The following GRID2 variants were observed in gnomAD, a reference collection of about 807,000 sequenced individuals.
GRID2 encodes the protein glutamate ionotropic receptor delta type subunit 2.
Under a neutral mutation model 114.8 loss-of-function variants are expected in GRID2, and 33 were observed. The ratio of observed to expected loss-of-function variants is 0.29; its 90% CI spans 0.22 to 0.38. GRID2 has a LOEUF of 0.38. Among genes scored for constraint, GRID2 ranks in the 10% least tolerant of loss-of-function variants. The probability of loss-of-function intolerance (pLI) is 1.00; values close to 1 mark genes in which losing one functional copy is unlikely to be tolerated. For missense variants in GRID2, 1,184 were observed against 1,257.7 expected (o/e 0.94, Z 0.89); for synonymous variants, 505 against 449.9 (o/e 1.12, Z -1.55).
At chr4:92,966,520 T>A (rs1753167640) in intron 2 of GRID2, among the ~76,000 whole-genome samples, 1 of 151,778 alleles carries the variant, frequency 6.6e-6, no homozygotes. Flanking sequence ...ATTGTAATAA[T>A]CCCCACGTGT....
chr4:92,530,818 A>G (rs1474147545), intron 1 of GRID2, among the ~76,000 whole-genome samples: 1 of 151,814 alleles, frequency 6.6e-6, no homozygotes, highest in Non-Finnish European at 1.5e-5. Context: ...GAGGCAGAAG[A>G]ATCACTTGAA....
chr4:93,541,336 C>T (rs1732635403), intron 13 of GRID2, among the ~76,000 whole-genome samples: 1 of 152,086 alleles, frequency 6.6e-6, no homozygotes, highest in African/African-American at 2.4e-5. Flanking sequence ...CAGCAAAACA[C>T]CCTACAAGAC....
intron 11 of GRID2, among the ~76,000 whole-genome samples, chr4:93,457,893 CAA>C (rs1455017550): frequency 6.6e-6 from 1 of 152,056 alleles, no homozygotes; most frequent in Admixed American, 6.6e-5. Flanking sequence ...GTGAAACATC[CAA>C]AAGAGTATTA....
At chr4:92,641,867 A>C (rs1731372271) in intron 2 of GRID2, among the ~76,000 whole-genome samples, 1 of 149,930 alleles carries the variant, frequency 6.7e-6, no homozygotes, top group Non-Finnish European at 1.5e-5. Flanking sequence ...TCCACTTATA[A>C]ATGAGAACAT....
chr4:93,392,880 T>G (rs1764986579), intron 8 of GRID2, among the ~76,000 whole-genome samples: 1 of 152,054 alleles, frequency 6.6e-6, no homozygotes, highest in African/African-American at 2.4e-5. Flanking sequence ...AGTATATATG[T>G]GATCTTAATG....
At chr4:92,623,944 A>G (rs1730397507) in intron 2 of GRID2, among the ~76,000 whole-genome samples, 2 of 151,778 alleles carry the variant, frequency 1.3e-5, no homozygotes, top group Non-Finnish European at 3.0e-5. Context: ...TATACACACA[A>G]TGACATAAAC....
At chr4:92,873,608 T>C (rs1745429377) in intron 2 of GRID2, among the ~76,000 whole-genome samples, 1 of 152,204 alleles carries the variant, frequency 6.6e-6, no homozygotes, top group African/African-American at 2.4e-5. Flanking sequence ...TATCTAAAGC[T>C]AAAATTACTT....
chr4:92,610,775 T>C (rs1174961403), intron 2 of GRID2, among the ~76,000 whole-genome samples: 1 of 151,692 alleles, frequency 6.6e-6, no homozygotes, highest in Admixed American at 6.6e-5. Flanking sequence ...TTCTATAGAT[T>C]AGCCTCTTCT....
intron 2 of GRID2, among the ~76,000 whole-genome samples, chr4:92,837,534 A>C (rs1742545063): frequency 6.6e-6 from 1 of 152,004 alleles, no homozygotes; most frequent in Non-Finnish European, 1.5e-5. Context: ...CCTTGAAAAA[A>C]TATTCAGTGG....
intron 14 of GRID2, among the ~76,000 whole-genome samples, chr4:93,656,723 G>A (rs1378128602): frequency 7.4e-6 from 1 of 135,408 alleles, no homozygotes; most frequent in Non-Finnish European, 1.7e-5. Context: ...CCAGCTACTC[G>A]GGAGGCTGAG....
At chr4:93,777,075 AC>A (rs1329100562), downstream of GRID2, among the ~76,000 whole-genome samples, 1 of 152,128 alleles carries the variant, frequency 6.6e-6, no homozygotes, top group East Asian at 1.9e-4. Context: ...TGGCCCATAA[AC>A]CCAATGAATG....
chr4:93,056,375 A>T (rs2149287240), intron 2 of GRID2, among the ~76,000 whole-genome samples: 1 of 152,022 alleles, frequency 6.6e-6, no homozygotes, highest in Admixed American at 6.6e-5. Context: ...CTGTTCTCAA[A>T]GGAAATAATA....
chr4:92,615,298 A>G (rs1449684157), intron 2 of GRID2, among the ~76,000 whole-genome samples: 1 of 151,524 alleles, frequency 6.6e-6, no homozygotes, highest in Non-Finnish European at 1.5e-5. Context: ...CACTAATCCC[A>G]TCATGAGGGC....
chr4:93,206,103 A>C (rs1334350845), intron 4 of GRID2, among the ~76,000 whole-genome samples: 1 of 151,958 alleles, frequency 6.6e-6, no homozygotes, highest in Non-Finnish European at 1.5e-5. Flanking sequence ...TGATAATAAT[A>C]ATAAAGCTTA....
chr4:93,108,090 CT>C (rs1443465997), intron 3 of GRID2, among the ~76,000 whole-genome samples: 5 of 152,084 alleles, frequency 3.3e-5, no homozygotes, highest in Non-Finnish European at 7.4e-5. Flanking sequence ...GAGCTGTTGC[CT>C]TTTCTCCTTA....
At chr4:93,752,449 C>A (rs984449393) in intron 14 of GRID2, among the ~76,000 whole-genome samples, 1 of 152,138 alleles carries the variant, frequency 6.6e-6, no homozygotes, top group African/African-American at 2.4e-5. Context: ...TGGCTCACTG[C>A]AAGCTCCGCC....
intron 2 of GRID2, among the ~76,000 whole-genome samples, chr4:92,758,282 T>C (rs1276987537): frequency 1.3e-5 from 2 of 152,098 alleles, no homozygotes; most frequent in Admixed American, 6.6e-5. Flanking sequence ...TCTCAAGGAA[T>C]GAAAATGAAT....
chr4:92,896,380 T>C (rs1159022997), intron 2 of GRID2, among the ~76,000 whole-genome samples: 2 of 152,138 alleles, frequency 1.3e-5, no homozygotes, highest in Non-Finnish European at 2.9e-5. Flanking sequence ...CCAGGGAATT[T>C]TGGTTGATAA....
chr4:92,638,247 A>G (rs34342437), intron 2 of GRID2, among the ~76,000 whole-genome samples: 186 of 151,688 alleles, frequency 1.2e-3, no homozygotes, highest in Non-Finnish European at 2.3e-3. Context: ...CACATTTTAA[A>G]TTTGACCATG....
Sources: allele counts gnomAD v4.1 joint callset (sites outside exome capture counted in the v4.1 genomes callset), GRCh38; gene constraint gnomAD v4.1.1; transcripts MANE v1.5; gene names NCBI Gene and HGNC (gene_info 2026-07-23, HGNC 2026-07-21).